PSME4: variants seen among roughly 807,000 people sequenced by gnomAD.
The protein encoded by PSME4 is proteasome activator complex subunit 4.
Under a neutral mutation model 253.9 loss-of-function variants are expected in PSME4, and 89 were observed. The observed-to-expected ratio is 0.35, with a 90% confidence interval of 0.30 to 0.42. PSME4 has a LOEUF of 0.42. Among genes scored for constraint, PSME4 ranks in the 10% least tolerant of loss-of-function variants. PSME4 has a pLI of 1.00. For missense variants in PSME4, 2,014 were observed against 2,195.2 expected, an observed-to-expected ratio of 0.92 and a Z score of 1.65; for synonymous variants, 851 against 759.2, an observed-to-expected ratio of 1.12 and a Z score of -1.99.
At chr2:53,927,256 G>T in intron 12 of PSME4, 138 bp downstream of exon 12, 1 of 634,278 alleles carries the variant, frequency 1.6e-6, no homozygotes, top group Non-Finnish European at 2.8e-6. Flanking sequence ...ATGATGTCCT[G>T]GCCCTCCATA....
intron 1 of PSME4, among the ~76,000 whole-genome samples, chr2:53,962,722 A>T (rs556511687): frequency 6.6e-6 from 1 of 152,306 alleles, no homozygotes; most frequent in South Asian, 2.1e-4. Flanking sequence ...TGCACTGAAT[A>T]AAGCACACAG....
rs765770830 is a variant in PSME4 at position 53,899,908 on chromosome 2, T to C, written c.3395A>G (p.Gln1132Arg). ...TAGGGCATCGGCATTCTTTTCCTGTTGGCGTTTAATTCCTTCCTTAATTTT... is the reference window on the plus strand; with the variant it reads ...TAGGGCATCGGCATTCTTTTCCTGTCGGCGTTTAATTCCTTCCTTAATTTT... ...PEKIKEGIKRQQEKNADALRN... is the reference protein window; with the variant it reads ...PEKIKEGIKRRQEKNADALRN... Residue 1132 changes from glutamine (Q) to arginine (R), a missense_variant, in exon 29 of 47, where the codon CAA becomes CGA. Gln to Arg is a conservative substitution (Grantham distance 43, BLOSUM62 1). Coordinates refer to ENST00000404125, the MANE Select transcript of PSME4 (RefSeq NM_014614.3). The C allele has an allele frequency of 1.2e-6, 2 of 1,613,626 alleles. No homozygotes were observed. The highest frequency in any genetic ancestry group is 1.7e-6 in the Non-Finnish European group (2 of 1,179,602).
chr2:53,940,972 T>TTTAA (rs1558413983), intron 3 of PSME4, among the ~76,000 whole-genome samples: 9 of 62,988 alleles, frequency 1.4e-4, no homozygotes, highest in Non-Finnish European at 2.7e-4. Flanking sequence ...TATATATATA[T>TTTAA]ATATATATAT....
chr2:53,936,060 A>C, intron 7 of PSME4, 27 bp downstream of exon 7: 1 of 1,606,442 alleles, frequency 6.2e-7, no homozygotes, highest in Non-Finnish European at 8.5e-7. Context: ...CATGCCTGAT[A>C]ATTTTTTTCC....
At chr2:53,969,981 T>C (rs1301932895) in intron 1 of PSME4, among the ~76,000 whole-genome samples, 2 of 152,154 alleles carry the variant, frequency 1.3e-5, no homozygotes, top group Non-Finnish European at 2.9e-5. Flanking sequence ...ACGACCCTTT[T>C]CGATCAACTC....
chr2:53,925,900 G>C (rs1216099580), intron 13 of PSME4, 59 bp downstream of exon 13: 14 of 1,507,342 alleles, frequency 9.3e-6, no homozygotes, highest in Non-Finnish European at 1.3e-5. Context: ...AAACTTTCTG[G>C]GATAGAAGAG....
In PSME4 at chr2:53,897,761, A is replaced by C; in HGVS notation, c.3606+109T>G. The C allele has an allele frequency of 2.4e-6, 3 of 1,243,850 alleles. No homozygotes were observed. The East Asian group carries it at 7.1e-5, about 30-fold the overall frequency. The allele number at this position is 1,243,850 out of a possible 1,614,324, so 77.1% of individuals were successfully genotyped here. A position where few individuals can be genotyped will look rare whatever the true frequency, so the allele number is the denominator to read the frequency against. On this transcript the variant is annotated intron_variant, in intron 31 of 46. Transcript: ENST00000404125. The stretch of plus-strand genomic sequence containing the variant: ...ACAGGGGGAGATTTCAAATCAATAC[A>C]CTTCAAGATATTTATTAACCAAGTG...
At chr2:53,906,112 G>A (rs913456066) in intron 26 of PSME4, among the ~76,000 whole-genome samples, 2 of 152,086 alleles carry the variant, frequency 1.3e-5, no homozygotes, top group East Asian at 3.9e-4. Flanking sequence ...CCACTTTTCT[G>A]TGCTTGCAGA....
At chr2:53,965,779 T>A (rs809808) in intron 1 of PSME4, among the ~76,000 whole-genome samples, 3 of 151,822 alleles carry the variant, frequency 2.0e-5, no homozygotes, top group African/African-American at 7.3e-5. Context: ...AAGCAATTCT[T>A]CTGCCTCAGC....
At chr2:53,921,890 G>T (rs1349974072) in intron 17 of PSME4, among the ~76,000 whole-genome samples, 1 of 117,152 alleles carries the variant, frequency 8.5e-6, no homozygotes, top group Non-Finnish European at 1.8e-5. Flanking sequence ...ACTGAAGTTT[G>T]GGCCAGGCGC....
chr2:53,920,440 A>C (rs1040257573), intron 18 of PSME4, 90 bp from the exon 19 acceptor site: 1 of 1,296,170 alleles, frequency 7.7e-7, no homozygotes, highest in African/African-American at 1.5e-5. Flanking sequence ...TTAAAATTTA[A>C]AAGAAAATGT....
Position 53,887,931 on chromosome 2 carries a change from A to G in PSME4, c.4447T>C (p.Leu1483=), listed in dbSNP as rs756472553. 1.9e-6 allele frequency: 3 copies of G among 1,609,432 alleles called. No individual in the cohort carries two copies. The highest frequency in any genetic ancestry group is 2.2e-5 in the East Asian group (1 of 44,838). Residue 1483 remains leucine, a synonymous_variant, in exon 39 of 47, where the codon TTG becomes CTG. Transcript: ENST00000404125. The part of the protein sequence containing the change: ...AQQEWRVPEL[L]HRLLKYLEPK... ...TCCAAGTACTTCAGTAGTCTGTGCA[A>G]TAGTTCAGGCACTCTCCATTCTTGC... is the stretch of plus-strand genomic sequence containing the variant.
intron 1 of PSME4, among the ~76,000 whole-genome samples, chr2:53,955,409 G>A (rs1670184567): frequency 6.6e-6 from 1 of 152,116 alleles, no homozygotes; most frequent in Non-Finnish European, 1.5e-5. Flanking sequence ...GCTATCATTA[G>A]CGTTAGTATA....
intron 8 of PSME4, chr2:53,933,027 C>G (rs953078672): frequency 1.6e-5 from 6 of 381,700 alleles, no homozygotes; most frequent in Non-Finnish European, 2.9e-5. Context: ...GGATAACAAA[C>G]AGCGTACTTT....
intron 24 of PSME4, among the ~76,000 whole-genome samples, chr2:53,907,317 A>T (rs1680705500): frequency 6.6e-6 from 1 of 152,190 alleles, no homozygotes; most frequent in African/African-American, 2.4e-5. Flanking sequence ...GCTTTTATCC[A>T]TATAATCTTC....
intron 37 of PSME4, among the ~76,000 whole-genome samples, chr2:53,889,074 A>G (rs1679770959): frequency 6.6e-6 from 1 of 152,160 alleles, no homozygotes; most frequent in Non-Finnish European, 1.5e-5. Context: ...TACGTTGCCC[A>G]GGCTGGTCTC....
intron 41 of PSME4, among the ~76,000 whole-genome samples, chr2:53,884,148 A>C (rs764327931): frequency 2.6e-5 from 4 of 152,166 alleles, no homozygotes; most frequent in Non-Finnish European, 5.9e-5. Context: ...GTATATCGTC[A>C]ATATTAGTAT....
At chr2:53,908,651 G>GA (rs1381295976) in intron 22 of PSME4, 86 bp from the exon 23 acceptor site, 12 of 1,479,174 alleles carry the variant, frequency 8.1e-6, no homozygotes, top group African/African-American at 1.4e-5. Flanking sequence ...AATCTATTAA[G>GA]AAAAAAAATC....
rs1459250591 is a variant in PSME4, at chr2:53,919,225, C to T, written c.2442G>A (p.Leu814=). 7 of 1,600,070 alleles carry T rather than the reference C, an allele frequency of 4.4e-6. No homozygotes were observed. The highest frequency in any genetic ancestry group is 4.1e-5 in the African/African-American group (3 of 73,890). Residue 814 remains leucine (L), a synonymous_variant, in exon 20 of 47, where the codon CTG becomes CTA. Coordinates refer to ENST00000404125, the MANE Select transcript of PSME4 (RefSeq NM_014614.3). ...CAATTAAACAGTTGTGCACTATAGT[C>T]AGACTCTGTAGAATATCATCTCTAG... is the stretch of plus-strand genomic sequence containing the variant. ...EMSRDDILQS[L]TIVHNCLIGS... is the part of the protein sequence containing the mutation.
Sources: gnomAD v4.1 joint callset for allele counts (sites outside exome capture counted in the v4.1 genomes callset) on GRCh38, gnomAD v4.1.1 for gene constraint, MANE v1.5 for transcripts, NCBI Gene and HGNC (gene_info 2026-07-23, HGNC 2026-07-21) for gene names.